The following SLC19A3 variants were observed in gnomAD, a reference collection of about 807,000 sequenced individuals.
SLC19A3 encodes the protein thiamine transporter 2.
Under a neutral mutation model 40.2 loss-of-function variants are expected in SLC19A3, and 31 were observed. The observed-to-expected ratio is 0.77, with a 90% confidence interval of 0.58 to 1.04. The LOEUF is 1.04. SLC19A3 is among the 50% of genes least tolerant of loss of function. The pLI, the probability that SLC19A3 is intolerant of heterozygous loss-of-function variation, is 0.00. For synonymous variants in SLC19A3, 212 were observed against 227.5 expected, an observed-to-expected ratio of 0.93 and a Z score of 0.61; for missense variants, 592 against 596.7, an observed-to-expected ratio of 0.99 and a Z score of 0.08.
At chr2:227,696,836 G>C (rs1695457209) in intron 3 of SLC19A3, among the ~76,000 whole-genome samples, 2 of 152,048 alleles carry the variant, frequency 1.3e-5, no homozygotes, top group Admixed American at 6.6e-5. Flanking sequence ...GAGGCTGAAG[G>C]GGGTGGATCA....
chr2:227,706,116 C>G (rs529620211), intron 1 of SLC19A3, among the ~76,000 whole-genome samples: 32 of 152,212 alleles, frequency 2.1e-4, no homozygotes, highest in Non-Finnish European at 3.7e-4. Context: ...ATAGTAACCA[C>G]CTGTGCTGTT....
At chr2:227,715,850 T>C (rs1202908032) in intron 1 of SLC19A3, among the ~76,000 whole-genome samples, 1 of 146,192 alleles carries the variant, frequency 6.8e-6, no homozygotes, top group Non-Finnish European at 1.5e-5. Context: ...GTTGGGAGAC[T>C]GAAGTGGGAA....
At chr2:227,695,799 T>C in intron 4 of SLC19A3, 90 bp downstream of exon 4, 3 of 1,350,568 alleles carry the variant, frequency 2.2e-6, no homozygotes, top group Non-Finnish European at 3.2e-6. Flanking sequence ...TGCAATTGAC[T>C]AAAATCCTTC....
chr2:227,695,786 T>C, intron 4 of SLC19A3, 103 bp downstream of exon 4: 2 of 1,124,050 alleles, frequency 1.8e-6, no homozygotes, highest in African/African-American at 1.5e-5. Flanking sequence ...CAACATTTAA[T>C]ATTGCAATTG....
chr2:227,702,368 T>C, intron 1 of SLC19A3, 48 bp from the exon 2 acceptor site: 1 of 1,597,584 alleles, frequency 6.3e-7, no homozygotes, highest in South Asian at 1.1e-5. Context: ...TTATTCTTTT[T>C]AGCATCCTTG....
chr2:227,715,256 C>T (rs1289397341), intron 1 of SLC19A3, among the ~76,000 whole-genome samples: 1 of 148,374 alleles, frequency 6.7e-6, no homozygotes, highest in Non-Finnish European at 1.5e-5. Flanking sequence ...CCACACCCCC[C>T]CCAAAAAAAA....
At chr2:227,709,713 A>C (rs1363289418) in intron 1 of SLC19A3, among the ~76,000 whole-genome samples, 1 of 152,104 alleles carries the variant, frequency 6.6e-6, no homozygotes, top group Non-Finnish European at 1.5e-5. Context: ...TAACTCCCTC[A>C]AACCTGATAA....
At chr2:227,698,539 T>C (rs1194326990) in intron 3 of SLC19A3, among the ~76,000 whole-genome samples, 197 bp downstream of exon 3, 1 of 152,166 alleles carries the variant, frequency 6.6e-6, no homozygotes, top group Non-Finnish European at 1.5e-5. Flanking sequence ...GAAATCGTGA[T>C]CCACGCGTCT....
intron 2 of SLC19A3, chr2:227,700,884 C>T (rs1455798662): frequency 2.3e-6 from 3 of 1,280,640 alleles, no homozygotes; most frequent in Admixed American, 2.3e-5. Context: ...GTGAGTGCCG[C>T]AGCCTCTCAA....
In SLC19A3 at chr2:227,687,450, C is replaced by A; in HGVS notation, c.1438G>T (p.Asp480Tyr). 6.2e-7 allele frequency: 1 copy of A among 1,614,092 alleles called. No individual in the cohort carries two copies. Among genetic ancestry groups the A allele is most frequent in the East Asian group, 2.2e-5 (1 of 44,874 alleles). The change falls in exon 6 of 6, where the codon GAT becomes TAT. Residue 480 changes from aspartate (D) to tyrosine (Y), a missense_variant. Transcript: ENST00000644224. ...VQSPAPSENP[D>Y]VSHPEEESNI... ...CTCTCTTCCTCTGGGTGAGACACAT[C>A]TGGATTCTCACTTGGAGCAGGGCTC...
intron 1 of SLC19A3, among the ~76,000 whole-genome samples, chr2:227,717,261 C>T (rs1696366040): frequency 6.6e-6 from 1 of 152,148 alleles, no homozygotes; most frequent in Admixed American, 6.5e-5. Context: ...CTCAGCCTCC[C>T]AAAGTGCTGG....
chr2:227,711,155 C>T (rs1378358642), intron 1 of SLC19A3, among the ~76,000 whole-genome samples: 3 of 152,108 alleles, frequency 2.0e-5, no homozygotes, highest in African/African-American at 7.2e-5. Context: ...CGGTGGCTCC[C>T]GCCTTTAATC....
At chr2:227,715,562 C>G (rs187605415) in intron 1 of SLC19A3, among the ~76,000 whole-genome samples, 53 of 152,226 alleles carry the variant, frequency 3.5e-4, no homozygotes, top group African/African-American at 1.3e-3. Flanking sequence ...TTTATTTTAT[C>G]ATATATGGTA....
chr2:227,699,967 T>A (rs1574561661), intron 2 of SLC19A3, among the ~76,000 whole-genome samples: 1 of 151,866 alleles, frequency 6.6e-6, no homozygotes. Flanking sequence ...AACCACCATC[T>A]CCCAGGTTCA....
chr2:227,707,835 C>G (rs1457221328), intron 1 of SLC19A3, among the ~76,000 whole-genome samples: 22 of 152,160 alleles, frequency 1.4e-4, no homozygotes, highest in Admixed American at 1.4e-3. Context: ...TCAAGCAATT[C>G]TCCTGCTTCA....
chr2:227,711,419 C>CAAAAAAAAA (rs140919791), intron 1 of SLC19A3, among the ~76,000 whole-genome samples: 3 of 97,506 alleles, frequency 3.1e-5, no homozygotes, highest in Admixed American at 2.2e-4. Flanking sequence ...GACTCTGTCT[C>CAAAAAAAAA]AAAAAAATAA....
In SLC19A3 at chr2:227,685,216, G is replaced by T. The variant is rs1167998988; in HGVS notation, c.*2181C>A. 2 of 152,052 alleles carry T rather than the reference G, an allele frequency of 1.3e-5. No individual in the cohort carries two copies. Among genetic ancestry groups the T allele is most frequent in the African/African-American group, 4.8e-5 (2 of 41,414 alleles). 9.4% of individuals were successfully genotyped at this position (152,052 alleles called of 1,614,324 possible). On this transcript the variant is annotated 3_prime_UTR_variant, in exon 6 of 6. Transcript: ENST00000644224. Reference sequence around the variant, plus strand: ...AGAAACACCTGAGACTAGATAGTTTGTAAGAAAAGGGGTTTAATTAGCTCA... The same window carrying T: ...AGAAACACCTGAGACTAGATAGTTTTTAAGAAAAGGGGTTTAATTAGCTCA...
intron 1 of SLC19A3, among the ~76,000 whole-genome samples, chr2:227,704,741 T>A (rs1695862142): frequency 6.6e-6 from 1 of 152,110 alleles, no homozygotes; most frequent in South Asian, 2.1e-4. Flanking sequence ...TGAGCTGTGA[T>A]CACACCACTG....
chr2:227,709,523 A>C (rs981330098), intron 1 of SLC19A3, among the ~76,000 whole-genome samples: 33 of 152,208 alleles, frequency 2.2e-4, no homozygotes, highest in Middle Eastern at 6.8e-3. Context: ...GCTGGCATGC[A>C]CTGGTGGGTT....
Sources: gnomAD v4.1 joint callset for allele counts (sites outside exome capture counted in the v4.1 genomes callset) on GRCh38, gnomAD v4.1.1 for gene constraint, MANE v1.5 for transcripts, NCBI Gene and HGNC (gene_info 2026-07-23, HGNC 2026-07-21) for gene names.